ZNF324B: variants seen among roughly 807,000 people sequenced by gnomAD.
The protein encoded by ZNF324B is zinc finger protein 324B.
ZNF324B carries 7 observed loss-of-function variants against 10.6 expected under a neutral mutation model. That is an observed-to-expected ratio of 0.66 (90% CI 0.38 to 1.24). The LOEUF (loss-of-function observed/expected upper bound fraction) is 1.24, where lower values mean the gene tolerates loss of function less well. Among genes scored for constraint, ZNF324B ranks in the 50% most tolerant of loss-of-function variants. The probability of loss-of-function intolerance (pLI) is 0.02; values close to 1 mark genes in which losing one functional copy is unlikely to be tolerated. For missense variants in ZNF324B, 640 were observed against 764.7 expected, an observed-to-expected ratio of 0.84 and a Z score of 1.92; for synonymous variants, 316 against 321.0, an observed-to-expected ratio of 0.98 and a Z score of 0.17.
intron 1 of ZNF324B, 153 bp downstream of exon 1, chr19:58,451,857 T>C (rs2052861121): frequency 3.9e-6 from 1 of 259,592 alleles, no homozygotes; most frequent in South Asian, 3.0e-5. Context: ...TCTGCGCCCA[T>C]GACTGCCGGG....
upstream of ZNF324B, among the ~76,000 whole-genome samples, chr19:58,448,729 AAAAAAT>A (rs1430442442): frequency 6.6e-6 from 1 of 152,190 alleles, no homozygotes; most frequent in African/African-American, 2.4e-5. Context: ...TCCATCTCAA[AAAAAAT>A]AAAAATAAAA....
the ZNF324B span, among the ~76,000 whole-genome samples, chr19:58,424,897 G>T: frequency 1.3e-5 from 2 of 152,216 alleles, no homozygotes; most frequent in South Asian, 2.1e-4. Flanking sequence ...GAATTCAAAG[G>T]ATATATTAAC....
chr19:58,438,561 C>T, the ZNF324B span, among the ~76,000 whole-genome samples: 2 of 149,842 alleles, frequency 1.3e-5, no homozygotes, highest in Admixed American at 1.3e-4. Context: ...GCAAGCTCCG[C>T]CTCCCGGGTT....
At chr19:58,419,273 A>C in the ZNF324B span, 1 of 152,204 alleles carries the variant, frequency 6.6e-6, no homozygotes, top group Non-Finnish European at 1.5e-5. Flanking sequence ...GGTCAGAAGG[A>C]GCTGTTTCCA....
At chr19:58,438,508 C>T in the ZNF324B span, among the ~76,000 whole-genome samples, 23 of 145,562 alleles carry the variant, frequency 1.6e-4, no homozygotes, top group Non-Finnish European at 2.5e-4. Flanking sequence ...GAGTCTCGCT[C>T]TGTCACCCAG....
chr19:58,447,227 C>T (rs898939665), upstream of ZNF324B, among the ~76,000 whole-genome samples: 3 of 152,294 alleles, frequency 2.0e-5, no homozygotes, highest in Admixed American at 2.0e-4. Flanking sequence ...ATCTGCCTGC[C>T]TCGGCCTCCC....
the ZNF324B span, among the ~76,000 whole-genome samples, chr19:58,436,573 C>T: frequency 2.8e-5 from 4 of 142,012 alleles, no homozygotes; most frequent in Admixed American, 7.9e-5. Flanking sequence ...GAGGCTGAGG[C>T]AGGAGAATGG....
At chr19:58,438,153 C>T in the ZNF324B span, among the ~76,000 whole-genome samples, 1 of 152,160 alleles carries the variant, frequency 6.6e-6, no homozygotes, top group African/African-American at 2.4e-5. Context: ...CAACCTAAAC[C>T]AAAGCCCAAC....
chr19:58,424,006 G>A, the ZNF324B span, among the ~76,000 whole-genome samples: 8 of 151,986 alleles, frequency 5.3e-5, no homozygotes, highest in Middle Eastern at 3.4e-3. Context: ...TTGGGAGGCC[G>A]AGGCGGACGG....
chr19:58,431,885 G>A, the ZNF324B span, among the ~76,000 whole-genome samples: 43 of 152,052 alleles, frequency 2.8e-4, no homozygotes, highest in African/African-American at 8.2e-4. Context: ...CCAGCTACTC[G>A]GGAGGCTGAG....
At position 58,455,141 on chromosome 19, in the gene ZNF324B, T is replaced by C. The variant is rs770538049; in HGVS notation, c.239-42T>C. On this transcript the variant is annotated intron_variant, in intron 3 of 3. Transcript: ENST00000336614. The surrounding 1 kb of genome is among the most constrained non-coding windows in gnomAD (Gnocchi z 7.0). ...CACTCAGCCTGCCCTGGTCCTCTCCTAACCAGGATGCCCCAGGCAACCACC... is the reference window on the plus strand; with the variant it reads ...CACTCAGCCTGCCCTGGTCCTCTCCCAACCAGGATGCCCCAGGCAACCACC... The C allele has an allele frequency of 3.7e-6, 6 of 1,613,168 alleles. No homozygotes were observed. The highest frequency in any genetic ancestry group is 5.1e-6 in the Non-Finnish European group (6 of 1,179,574).
At chr19:58,439,718 G>A in the ZNF324B span, 3 of 1,491,546 alleles carry the variant, frequency 2.0e-6, no homozygotes, top group Non-Finnish European at 2.7e-6. Flanking sequence ...CCTGAGGGCC[G>A]GAATCCCAGC....
chr19:58,451,130 A>G (rs1467403568), upstream of ZNF324B, among the ~76,000 whole-genome samples: 1 of 152,212 alleles, frequency 6.6e-6, no homozygotes, highest in Non-Finnish European at 1.5e-5. Context: ...TTTACGGGAC[A>G]CTGACACACA....
At chr19:58,424,106 A>G in the ZNF324B span, among the ~76,000 whole-genome samples, 1 of 151,626 alleles carries the variant, frequency 6.6e-6, no homozygotes, top group South Asian at 2.1e-4. Context: ...AAAATTAGCC[A>G]GGTGTGGTGG....
chr19:58,439,835 G>A, the ZNF324B span: 1 of 1,539,032 alleles, frequency 6.5e-7, no homozygotes, highest in Non-Finnish European at 8.8e-7. Context: ...AGGAGGCCCA[G>A]GGCTAGCCCT....
At chr19:58,424,023 A>G in the ZNF324B span, among the ~76,000 whole-genome samples, 1 of 151,714 alleles carries the variant, frequency 6.6e-6, no homozygotes, top group Non-Finnish European at 1.5e-5. Flanking sequence ...ACGGATCACC[A>G]GAGGTCAGGA....
At chr19:58,427,449 TTTCCCTTCCTTCC>T in the ZNF324B span, among the ~76,000 whole-genome samples, 31 of 54,778 alleles carry the variant, frequency 5.7e-4, 1 homozygote, top group African/African-American at 3.5e-3. Context: ...CTTCCTTTCC[TTTCCCTTCCTTCC>T]TTCCTTCCTT....
upstream of ZNF324B, chr19:58,451,527 G>T: frequency 2.1e-6 from 1 of 487,164 alleles, no homozygotes; most frequent in South Asian, 1.5e-5. Flanking sequence ...CGAAAAACAG[G>T]CAGGAACCAC....
chr19:58,449,183 G>T (rs1486043732), upstream of ZNF324B, among the ~76,000 whole-genome samples: 1 of 152,252 alleles, frequency 6.6e-6, no homozygotes, highest in East Asian at 1.9e-4. Context: ...AGCCTTGGCA[G>T]CTCCCATGTG....
Sources: allele counts gnomAD v4.1 joint callset (sites outside exome capture counted in the v4.1 genomes callset), GRCh38; gene constraint gnomAD v4.1.1; non-coding constraint Gnocchi (gnomAD v3.1); transcripts MANE v1.5; gene names NCBI Gene and HGNC (gene_info 2026-07-23, HGNC 2026-07-21).